DCHS2: variants seen among roughly 807,000 people sequenced by gnomAD.
DCHS2 encodes dachsous cadherin-related 2.
In DCHS2, 142 loss-of-function variants were observed where a neutral mutation model predicts 182.4. The observed-to-expected ratio is 0.78, with a 90% confidence interval of 0.68 to 0.89. DCHS2 has a LOEUF of 0.89. Ranked by LOEUF, DCHS2 falls within the 40% of genes least tolerant of loss-of-function variation. DCHS2 has a pLI of 0.00. For synonymous variants in DCHS2, 1,740 were observed against 1,663.3 expected, an observed-to-expected ratio of 1.05 and a Z score of -1.12; for missense variants, 4,319 against 4,198.6, an observed-to-expected ratio of 1.03 and a Z score of -0.79.
intron 19 of DCHS2, 135 bp downstream of exon 19, chr4:154,239,035 G>GA: frequency 8.3e-7 from 1 of 1,204,040 alleles, no homozygotes; most frequent in Middle Eastern, 3.0e-4. Flanking sequence ...GAAGAGTAAT[G>GA]AAACAGTCGT....
intron 3 of DCHS2, chr4:154,357,313 G>T (rs1302624014): frequency 6.2e-7 from 1 of 1,610,466 alleles, no homozygotes; most frequent in Non-Finnish European, 8.5e-7. Context: ...TCTACCTCTG[G>T]ACTATAGAGT....
rs372029571 is a variant in DCHS2, at chr4:154,484,294, TTCC to T, written c.2052+5007_2052+5009del. On this transcript the variant is annotated intron_variant, in intron 1 of 19. Coordinates refer to ENST00000357232, the MANE Select transcript of DCHS2 (RefSeq NM_001358235.2). ...GAGACTCAGAACTCTCCTACCTGGTTTCCCTCCTTACTTCTTTCTATTCTTTCT... is the reference window on the plus strand; with the variant it reads ...GAGACTCAGAACTCTCCTACCTGGTTCTCCTTACTTCTTTCTATTCTTTCT... Among the ~76,000 whole-genome samples, 12 of 152,294 alleles carry T rather than the reference TTCC, an allele frequency of 7.9e-5. 1 individual carries two copies. The East Asian group carries it at 9.6e-4, about 12-fold the overall frequency.
In DCHS2 at chr4:154,235,160, A is replaced by C; in HGVS notation, c.9492T>G (p.Phe3164Leu). The C allele has an allele frequency of 6.2e-7, 1 of 1,613,988 alleles. No homozygotes were observed. Among genetic ancestry groups the C allele is most frequent in the African/African-American group, 1.3e-5 (1 of 75,022 alleles). ...AGCCTTCCCCTTGATCTCCTTCCCC[A>C]AATGTTTGGCTGGCTTCTGCTGTTT... ...TAETAEASQT[F>L]GEGDQGEGCS... The change falls in exon 20 of 20, where the codon TTT (phenylalanine) becomes TTG (leucine). Residue 3164 changes from phenylalanine to leucine, a missense_variant. Phe to Leu is a conservative substitution (Grantham distance 22, BLOSUM62 0). Coordinates refer to ENST00000357232, the MANE Select transcript of DCHS2 (RefSeq NM_001358235.2).
At chr4:154,316,609 T>C (rs1735863877) in intron 9 of DCHS2, among the ~76,000 whole-genome samples, 1 of 151,850 alleles carries the variant, frequency 6.6e-6, no homozygotes, top group Admixed American at 6.6e-5. Flanking sequence ...ATGGTGAAAC[T>C]CCATCTCCTC....
chr4:154,395,461 T>C (rs1444043686), intron 1 of DCHS2, among the ~76,000 whole-genome samples: 1 of 152,164 alleles, frequency 6.6e-6, no homozygotes, highest in Non-Finnish European at 1.5e-5. Context: ...ATACAGGTCT[T>C]CCCACTGATC....
intron 13 of DCHS2, among the ~76,000 whole-genome samples, chr4:154,296,808 C>T (rs1578930125): frequency 6.6e-6 from 1 of 152,030 alleles, no homozygotes; most frequent in East Asian, 1.9e-4. Context: ...GTGTGAGTGG[C>T]CCACAGAAAA....
At chr4:154,455,905 C>T (rs1264787578) in intron 1 of DCHS2, among the ~76,000 whole-genome samples, 1 of 152,088 alleles carries the variant, frequency 6.6e-6, no homozygotes, top group Non-Finnish European at 1.5e-5. Context: ...GCCTGGCCAA[C>T]ATGGTGAAAC....
At chr4:154,254,816 G>T (rs1251164148) in intron 16 of DCHS2, among the ~76,000 whole-genome samples, 1 of 151,832 alleles carries the variant, frequency 6.6e-6, no homozygotes, top group African/African-American at 2.4e-5. Context: ...CAGTCTGGGC[G>T]ACAGAATAAG....
rs144578048 is a variant in DCHS2, at chr4:154,390,959, A to G, written c.2053-13515T>C. 7.1e-3 allele frequency among the ~76,000 whole-genome samples: 1,081 copies of G among 152,344 alleles called. 13 individuals are homozygous for G. The highest frequency in any genetic ancestry group is 0.024 in the African/African-American group (1,015 of 41,570). On this transcript the variant is annotated intron_variant, in intron 1 of 19. Coordinates refer to ENST00000357232, the MANE Select transcript of DCHS2 (RefSeq NM_001358235.2). ...TTTGGATTACAAATACTATATGTCT[A>G]TCATAGATATTGATAACGTCTAATA...
At chr4:154,438,210 G>T (rs1333103533) in intron 1 of DCHS2, among the ~76,000 whole-genome samples, 2 of 152,136 alleles carry the variant, frequency 1.3e-5, no homozygotes, top group Non-Finnish European at 2.9e-5. Context: ...ATGGCACAAG[G>T]TATGGTGAAA....
intron 1 of DCHS2, among the ~76,000 whole-genome samples, chr4:154,463,894 A>C (rs940603059): frequency 2.0e-5 from 3 of 152,192 alleles, no homozygotes; most frequent in African/African-American, 7.2e-5. Context: ...CTTCTTTACT[A>C]AAAAACATGT....
chr4:154,297,817 G>T, intron 13 of DCHS2, 34 bp downstream of exon 13: 1 of 1,578,758 alleles, frequency 6.3e-7, no homozygotes, highest in Non-Finnish European at 8.6e-7. Context: ...GTCAAAACAG[G>T]TACAATATAT....
chr4:154,399,440 C>A (rs898504881), intron 1 of DCHS2, among the ~76,000 whole-genome samples: 1 of 152,186 alleles, frequency 6.6e-6, no homozygotes, highest in African/African-American at 2.4e-5. Context: ...CTGAGACATG[C>A]CTCACTGGTG....
At chr4:154,413,293 A>G (rs1486864283) in intron 1 of DCHS2, among the ~76,000 whole-genome samples, 1 of 152,222 alleles carries the variant, frequency 6.6e-6, no homozygotes, top group Non-Finnish European at 1.5e-5. Context: ...CTTCCAAAGT[A>G]GAAGCAATCT....
Position 154,236,541 on chromosome 4 carries a change from ATGT to A in DCHS2, c.8108_8110del (p.Asn2703del), listed in dbSNP as rs1731516411. 2 of 1,613,966 alleles carry A rather than the reference ATGT, an allele frequency of 1.2e-6. No homozygotes were observed. The highest frequency in any genetic ancestry group is 1.7e-6 in the Non-Finnish European group (2 of 1,179,956). On this transcript the variant is annotated inframe_deletion, in exon 20 of 20. Transcript: ENST00000357232. ...ATGTCCCTTCTCATTTCCAGAGATG[ATGT>A]TGTAGATGATTTCTGCATGTGACCC...
At chr4:154,348,806 A>T (rs1729473559) in intron 3 of DCHS2, among the ~76,000 whole-genome samples, 1 of 151,938 alleles carries the variant, frequency 6.6e-6, no homozygotes, top group Non-Finnish European at 1.5e-5. Flanking sequence ...AGAGAATGAG[A>T]TTCTGCTGTC....
chr4:154,392,667 C>A (rs1320780648), intron 1 of DCHS2, among the ~76,000 whole-genome samples: 1 of 152,206 alleles, frequency 6.6e-6, no homozygotes, highest in Non-Finnish European at 1.5e-5. Flanking sequence ...GCACATAGAT[C>A]TAACTATGGA....
chr4:154,404,829 C>T lies in DCHS2; in HGVS notation c.2053-27385G>A, dbSNP rs562627167. Among the ~76,000 whole-genome samples the T allele has an allele frequency of 4.6e-5, 7 of 152,316 alleles. No individual in the cohort carries two copies. The South Asian group carries it at 8.3e-4, about 18-fold the overall frequency. Reference sequence around the variant, plus strand: ...GTCTACTTCATCTGAAAAGACAAAGCCACACCAGCTTTATCATGCTTATTG... The same window carrying T: ...GTCTACTTCATCTGAAAAGACAAAGTCACACCAGCTTTATCATGCTTATTG... On this transcript the variant is annotated intron_variant, in intron 1 of 19. Transcript: ENST00000357232.
At chr4:154,297,621 G>A (rs1341367537) in intron 13 of DCHS2, among the ~76,000 whole-genome samples, 1 of 152,128 alleles carries the variant, frequency 6.6e-6, no homozygotes, top group Admixed American at 6.6e-5. Flanking sequence ...TCTTTAATGG[G>A]AGGGCCCTCC....
Sources: gnomAD v4.1 joint callset for allele counts (sites outside exome capture counted in the v4.1 genomes callset) on GRCh38, gnomAD v4.1.1 for gene constraint, MANE v1.5 for transcripts, NCBI Gene and HGNC (gene_info 2026-07-23, HGNC 2026-07-21) for gene names.